Variants in PDE3A observed in about 807,000 individuals in gnomAD.
The protein encoded by PDE3A is phosphodiesterase 3A, also known as cGMP-inhibited 3',5'-cyclic phosphodiesterase 3A.
PDE3A carries 43 observed loss-of-function variants against 98.3 expected under a neutral mutation model. The ratio of observed to expected loss-of-function variants is 0.44; its 90% CI spans 0.34 to 0.56. The LOEUF (loss-of-function observed/expected upper bound fraction) is 0.56. Among genes scored for constraint, PDE3A ranks in the 20% least tolerant of loss-of-function variants. The pLI, the probability that PDE3A is intolerant of heterozygous loss-of-function variation, is 0.01. For missense variants in PDE3A, 1,427 were observed against 1,440.7 expected, an observed-to-expected ratio of 0.99 and a Z score of 0.15; for synonymous variants, 663 against 567.9, an observed-to-expected ratio of 1.17 and a Z score of -2.38.
chr12:20,548,680 C>T (rs930754572), intron 1 of PDE3A, among the ~76,000 whole-genome samples: 4 of 152,034 alleles, frequency 2.6e-5, no homozygotes, highest in African/African-American at 9.7e-5. Context: ...ATTCATTTCT[C>T]TTGAAAGTTT....
intron 1 of PDE3A, among the ~76,000 whole-genome samples, chr12:20,467,806 G>A (rs370075020): frequency 4.0e-5 from 6 of 151,248 alleles, no homozygotes; most frequent in African/African-American, 7.3e-5. Context: ...ATGGTGGCAC[G>A]CGCCTATAAT....
chr12:20,516,306 C>A (rs910221289), intron 1 of PDE3A, among the ~76,000 whole-genome samples: 2 of 151,950 alleles, frequency 1.3e-5, no homozygotes, highest in Non-Finnish European at 2.9e-5. Context: ...ATTACTGAGC[C>A]GTTGATGAAT....
At chr12:20,664,987 G>T (rs1945272330) in intron 15 of PDE3A, among the ~76,000 whole-genome samples, 3 of 152,084 alleles carry the variant, frequency 2.0e-5, no homozygotes, top group African/African-American at 7.2e-5. Context: ...GCCAAGTCCT[G>T]TTGATTCTCC....
At chr12:20,450,048 G>A in intron 1 of PDE3A, 1 of 617,052 alleles carries the variant, frequency 1.6e-6, no homozygotes, top group Non-Finnish European at 3.0e-6. Context: ...TTCCACAATT[G>A]CATATTTCTT....
At chr12:20,538,785 T>C (rs1941818374) in intron 1 of PDE3A, among the ~76,000 whole-genome samples, 2 of 152,040 alleles carry the variant, frequency 1.3e-5, no homozygotes. Flanking sequence ...GCTGGGACTA[T>C]AGGTGTGTGT....
Position 20,494,524 on chromosome 12 carries a change from A to T in PDE3A, c.961-62136A>T, listed in dbSNP as rs548911046. Among the ~76,000 whole-genome samples, 157 of 151,936 alleles carry T rather than the reference A, an allele frequency of 1.0e-3. 1 individual carries two copies. The highest frequency in any genetic ancestry group is 3.6e-3 in the African/African-American group (150 of 41,460). On this transcript the variant is annotated intron_variant, in intron 1 of 15. Transcript: ENST00000359062. ...CAGAATAATGTATCTCGTGAGTGTT[A>T]TGTATGTGTGTCTCTGTGTGTGTTT...
chr12:20,530,290 C>A (rs1946600721), intron 1 of PDE3A, among the ~76,000 whole-genome samples: 1 of 152,102 alleles, frequency 6.6e-6, no homozygotes, highest in African/African-American at 2.4e-5. Context: ...TACCATAATT[C>A]ATAGTAGTCA....
chr12:20,525,420 G>T (rs1390318353), intron 1 of PDE3A, among the ~76,000 whole-genome samples: 2 of 147,682 alleles, frequency 1.4e-5, no homozygotes, highest in Non-Finnish European at 3.0e-5. Flanking sequence ...TAATAATGTT[G>T]TTGTTCCTTT....
chr12:20,611,267 G>A (rs905982966), intron 2 of PDE3A, among the ~76,000 whole-genome samples: 1 of 151,748 alleles, frequency 6.6e-6, no homozygotes, highest in Non-Finnish European at 1.5e-5. Context: ...GCATGACTAT[G>A]TATCCTAAAA....
At chr12:20,434,989 T>C (rs1944756951) in intron 1 of PDE3A, among the ~76,000 whole-genome samples, 1 of 152,210 alleles carries the variant, frequency 6.6e-6, no homozygotes, top group South Asian at 2.1e-4. Context: ...AAAGACACTT[T>C]AGCATTTATT....
intron 2 of PDE3A, among the ~76,000 whole-genome samples, chr12:20,611,345 A>G (rs76357740): frequency 0.037 from 5,598 of 151,970 alleles, 139 homozygotes; most frequent in Non-Finnish European, 0.055. Context: ...ATCAGAGAAC[A>G]TGGGTACTAG....
chr12:20,657,207 G>T (rs1014581079), intron 15 of PDE3A, among the ~76,000 whole-genome samples: 1 of 152,084 alleles, frequency 6.6e-6, no homozygotes, highest in Admixed American at 6.6e-5. Context: ...AAATGAAGGG[G>T]GAATCAATGC....
At chr12:20,403,380 G>T (rs980863441) in intron 1 of PDE3A, among the ~76,000 whole-genome samples, 4 of 152,102 alleles carry the variant, frequency 2.6e-5, no homozygotes, top group Non-Finnish European at 5.9e-5. Flanking sequence ...GAAGAATTGC[G>T]ACTTTGCAGG....
intron 15 of PDE3A, among the ~76,000 whole-genome samples, chr12:20,672,324 C>T: frequency 7.1e-6 from 1 of 139,948 alleles, no homozygotes; most frequent in African/African-American, 2.7e-5. Flanking sequence ...CAATGCCTTT[C>T]TTCACAGAAT....
chr12:20,507,365 T>G (rs2121103737), intron 1 of PDE3A, among the ~76,000 whole-genome samples: 1 of 152,154 alleles, frequency 6.6e-6, no homozygotes, highest in African/African-American at 2.4e-5. Flanking sequence ...ATAAGGAAGT[T>G]ATGAGAAGTA....
intron 1 of PDE3A, among the ~76,000 whole-genome samples, chr12:20,441,634 A>G (rs1944872523): frequency 6.6e-6 from 1 of 152,156 alleles, no homozygotes; most frequent in Non-Finnish European, 1.5e-5. Flanking sequence ...TGGGGTCTTG[A>G]CCACTAATCT....
chr12:20,552,219 G>T lies in PDE3A; in HGVS notation c.961-4441G>T. ...CCGAGGCCAAGGACTGGCGGTCGGG[G>T]AAGCCGGTCAGGGTGGTGCGCAATG... On this transcript the variant is annotated intron_variant, in intron 1 of 15. Coordinates refer to ENST00000359062, the MANE Select transcript of PDE3A (RefSeq NM_000921.5). This position sits in a 1 kb window ranked among gnomAD's most constrained non-coding sequence, Gnocchi z 5.1. The T allele has an allele frequency of 6.2e-7, 1 of 1,613,836 alleles. No individual in the cohort carries two copies. Among genetic ancestry groups the T allele is most frequent in the Non-Finnish European group, 8.5e-7 (1 of 1,179,876 alleles).
intron 9 of PDE3A, among the ~76,000 whole-genome samples, chr12:20,638,721 AT>A: frequency 6.6e-6 from 1 of 152,056 alleles, no homozygotes; most frequent in East Asian, 1.9e-4. Flanking sequence ...GTCAGGAAGC[AT>A]TTTCTCTCTT....
chr12:20,449,140 C>G (rs1014144222), intron 1 of PDE3A, among the ~76,000 whole-genome samples: 2 of 152,162 alleles, frequency 1.3e-5, no homozygotes, highest in Non-Finnish European at 2.9e-5. Context: ...ATTTTATTAA[C>G]AGGACACTCC....
Sources: allele counts gnomAD v4.1 joint callset (sites outside exome capture counted in the v4.1 genomes callset), GRCh38; gene constraint gnomAD v4.1.1; non-coding constraint Gnocchi (gnomAD v3.1); transcripts MANE v1.5; gene names NCBI Gene and HGNC (gene_info 2026-07-23, HGNC 2026-07-21).